GPC6: variants seen among roughly 807,000 people sequenced by gnomAD.
The protein encoded by GPC6 is glypican-6.
Under a neutral mutation model 55.2 loss-of-function variants are expected in GPC6, and 14 were observed. That is an observed-to-expected ratio of 0.25 (90% CI 0.17 to 0.40). The LOEUF (loss-of-function observed/expected upper bound fraction) is 0.40, where lower values mean the gene tolerates loss of function less well. GPC6 is among the 10% of genes least tolerant of loss of function. The pLI is 1.00. For synonymous variants in GPC6, 278 were observed against 259.6 expected, an observed-to-expected ratio of 1.07 and a Z score of -0.68; for missense variants, 641 against 708.5, an observed-to-expected ratio of 0.90 and a Z score of 1.08.
At chr13:94,369,388 G>T (rs1879429888) in intron 6 of GPC6, among the ~76,000 whole-genome samples, 1 of 152,210 alleles carries the variant, frequency 6.6e-6, no homozygotes, top group South Asian at 2.1e-4. Context: ...GGGGCCTCCT[G>T]TGGGTAGGTA....
chr13:93,711,567 A>G (rs1367082615), intron 2 of GPC6, among the ~76,000 whole-genome samples: 2 of 144,824 alleles, frequency 1.4e-5, no homozygotes, highest in African/African-American at 2.5e-5. Flanking sequence ...ATGTCATCCC[A>G]TCTAATGTCT....
chr13:93,971,474 A>T (rs1017017638), intron 3 of GPC6, among the ~76,000 whole-genome samples: 13 of 152,220 alleles, frequency 8.5e-5, no homozygotes, highest in Non-Finnish European at 1.6e-4. Context: ...ATTGCCAGTA[A>T]TCTTGTTACA....
At chr13:94,272,403 A>T (rs758216693) in intron 4 of GPC6, among the ~76,000 whole-genome samples, 2 of 150,676 alleles carry the variant, frequency 1.3e-5, no homozygotes, top group Non-Finnish European at 3.0e-5. Context: ...TTGTAGTTCA[A>T]TGACACTTTG....
intron 1 of GPC6, among the ~76,000 whole-genome samples, chr13:93,535,223 G>C (rs1400967452): frequency 6.6e-6 from 1 of 151,932 alleles, no homozygotes; most frequent in Non-Finnish European, 1.5e-5. Context: ...AATATGAGTG[G>C]GAAACTCTTA....
chr13:94,402,780 G>T (rs1881198478), intron 8 of GPC6, among the ~76,000 whole-genome samples: 1 of 152,158 alleles, frequency 6.6e-6, no homozygotes, highest in South Asian at 2.1e-4. Context: ...GGAAAGAGAA[G>T]TGCCAAGCCG....
At chr13:93,680,728 G>T (rs887886880) in intron 2 of GPC6, among the ~76,000 whole-genome samples, 9 of 152,154 alleles carry the variant, frequency 5.9e-5, no homozygotes, top group African/African-American at 1.7e-4. Flanking sequence ...CCCTTTCTAT[G>T]TGCCCAGATT....
At chr13:94,203,811 A>G (rs1182327701) in intron 4 of GPC6, among the ~76,000 whole-genome samples, 1 of 152,122 alleles carries the variant, frequency 6.6e-6, no homozygotes, top group African/African-American at 2.4e-5. Context: ...TATCAAATAC[A>G]TGTTGGAGCC....
chr13:93,283,559 T>C (rs1367238766), intron 1 of GPC6, among the ~76,000 whole-genome samples: 1 of 152,100 alleles, frequency 6.6e-6, no homozygotes, highest in Non-Finnish European at 1.5e-5. Context: ...CTTGGAATGG[T>C]GGCATGCCAA....
rs182066774 is a variant in GPC6, at chr13:93,351,755, A to G, written c.160+124139A>G. ...AATAATGCTTAAAAATTAAAAATAT[A>G]AACAAAACAAAACACAAAAAGCCCA... On this transcript the variant is annotated intron_variant, in intron 1 of 8. Coordinates refer to ENST00000377047, the MANE Select transcript of GPC6 (RefSeq NM_005708.5). 5.7e-3 allele frequency among the ~76,000 whole-genome samples: 835 copies of G among 147,574 alleles called. 4 individuals carry two copies. The highest frequency in any genetic ancestry group is 8.5e-3 in the Non-Finnish European group (577 of 67,948).
chr13:93,441,379 T>A (rs1566359205), intron 1 of GPC6, among the ~76,000 whole-genome samples: 1 of 152,136 alleles, frequency 6.6e-6, no homozygotes, highest in African/African-American at 2.4e-5. Flanking sequence ...TTTTTAATGA[T>A]CCCCATTCTA....
At chr13:93,682,698 A>G (rs1370303012) in intron 2 of GPC6, among the ~76,000 whole-genome samples, 2 of 152,012 alleles carry the variant, frequency 1.3e-5, no homozygotes, top group Admixed American at 6.6e-5. Flanking sequence ...AAATATATAC[A>G]TCTTTAGAAA....
chr13:93,554,983 A>G (rs908703480), intron 2 of GPC6, among the ~76,000 whole-genome samples: 1 of 152,226 alleles, frequency 6.6e-6, no homozygotes, highest in Non-Finnish European at 1.5e-5. Flanking sequence ...CTCCCTTCCT[A>G]GCAGTCCAGT....
chr13:93,231,289 T>G (rs1337948047), intron 1 of GPC6, among the ~76,000 whole-genome samples: 1 of 146,400 alleles, frequency 6.8e-6, no homozygotes, highest in Non-Finnish European at 1.5e-5. Context: ...AATGAATGCA[T>G]GCAAAATCTA....
intron 6 of GPC6, among the ~76,000 whole-genome samples, chr13:94,344,243 GCCT>G (rs1396758614): frequency 1.3e-5 from 2 of 152,180 alleles, no homozygotes; most frequent in African/African-American, 4.8e-5. Context: ...ATAAGCAAAT[GCCT>G]CCCATGCCTC....
intron 3 of GPC6, among the ~76,000 whole-genome samples, chr13:93,986,921 T>C (rs938013489): frequency 2.6e-5 from 4 of 152,220 alleles, no homozygotes; most frequent in Non-Finnish European, 5.9e-5. Flanking sequence ...TATTTTTGTC[T>C]TACAAAGCAT....
intron 6 of GPC6, among the ~76,000 whole-genome samples, chr13:94,363,093 A>G (rs1459954095): frequency 2.0e-5 from 3 of 151,940 alleles, no homozygotes; most frequent in African/African-American, 7.3e-5. Flanking sequence ...TCCCGTGTCC[A>G]TGTGTTCTCG....
chr13:94,358,091 A>G (rs1346667631), intron 6 of GPC6, among the ~76,000 whole-genome samples: 2 of 152,146 alleles, frequency 1.3e-5, no homozygotes, highest in Non-Finnish European at 2.9e-5. Context: ...GGAGTTCGAG[A>G]CCAGCCTGAC....
chr13:93,657,610 T>C (rs988703811), intron 2 of GPC6, among the ~76,000 whole-genome samples: 1 of 152,094 alleles, frequency 6.6e-6, no homozygotes, highest in African/African-American at 2.4e-5. Context: ...TGGGATCTAA[T>C]TAAACTATAG....
chr13:93,760,263 C>G (rs187914057), intron 2 of GPC6, among the ~76,000 whole-genome samples: 28 of 152,216 alleles, frequency 1.8e-4, no homozygotes, highest in African/African-American at 6.7e-4. Context: ...ATGCAAGGCC[C>G]TTTCTCTTGA....
Sources: gnomAD v4.1 joint callset for allele counts (sites outside exome capture counted in the v4.1 genomes callset) on GRCh38, gnomAD v4.1.1 for gene constraint, MANE v1.5 for transcripts, NCBI Gene and HGNC (gene_info 2026-07-23, HGNC 2026-07-21) for gene names.